Variants in TBX18 observed in about 807,000 individuals in gnomAD.
TBX18 encodes T-box transcription factor TBX18.
TBX18 carries 21 observed loss-of-function variants against 55.0 expected under a neutral mutation model. The observed-to-expected ratio is 0.38, with a 90% CI of 0.27 to 0.55. The LOEUF is 0.55. Ranked by LOEUF, TBX18 falls within the 20% of genes least tolerant of loss-of-function variation. TBX18 has a pLI of 0.73. For missense variants in TBX18, 840 were observed against 799.6 expected (o/e 1.05, Z -0.61); for synonymous variants, 342 against 326.1 (o/e 1.05, Z -0.53).
intron 7 of TBX18, among the ~76,000 whole-genome samples, chr6:84,738,157 C>T (rs1008644924): frequency 3.3e-5 from 5 of 152,102 alleles, no homozygotes; most frequent in African/African-American, 1.2e-4. Flanking sequence ...AGAAAACAAA[C>T]AAGATCTGAA....
rs1773889024 is a variant in TBX18, at chr6:84,734,544, T to TA, written c.*2140dup. ...GTCATTTAATTCAGCAATAAAAGGC[T>TA]AGTCTCTGAAGTGACGTGGTGATTA... On this transcript the variant is annotated 3_prime_UTR_variant, in exon 8 of 8. Transcript: ENST00000369663. 1.3e-5 allele frequency: 2 copies of TA among 152,608 alleles called. No homozygotes were observed. The highest frequency in any genetic ancestry group is 4.1e-4 in the South Asian group (2 of 4,824). The allele number at this position is 152,608 out of a possible 1,614,324, so 9.5% of individuals were successfully genotyped here. A position where few individuals can be genotyped will look rare whatever the true frequency, so the allele number is the denominator to read the frequency against.
rs1767740712 is a variant in TBX18, at chr6:84,763,980, CAGA to C, written c.199_201del (p.Ser67del). 2 of 1,582,406 alleles carry C rather than the reference CAGA, an allele frequency of 1.3e-6. No individual in the cohort carries two copies. The highest frequency in any genetic ancestry group is 2.3e-5 in the East Asian group (1 of 43,638). On this transcript the variant is annotated inframe_deletion, in exon 1 of 8. Coordinates refer to ENST00000369663, the MANE Select transcript of TBX18 (RefSeq NM_001080508.3). ...GGGAGCGCAGCGCCTTCGTCTCCCT[CAGA>C]AGAACCCTTTTCGCCCGCGCCGCCG... is the stretch of plus-strand genomic sequence containing the variant.
chr6:84,763,022 G>C, intron 1 of TBX18: 1 of 554,150 alleles, frequency 1.8e-6, no homozygotes, highest in Non-Finnish European at 3.2e-6. Context: ...CCCACCCGCT[G>C]GGCCTCCGCA....
At position 84,736,218 on chromosome 6, in the gene TBX18, C is replaced by CA. The variant is rs1225058856; in HGVS notation, c.*466dup. 3 of 152,706 alleles carry CA rather than the reference C, an allele frequency of 2.0e-5. No homozygotes were observed. The highest frequency in any genetic ancestry group is 7.2e-5 in the African/African-American group (3 of 41,456). 9.5% of individuals were successfully genotyped at this position (152,706 alleles called of 1,614,324 possible). A position where few individuals can be genotyped will look rare whatever the true frequency, so the allele number is the denominator to read the frequency against. The stretch of plus-strand genomic sequence containing the variant: ...AACTGGCTTTTGTATTTTAGATTCT[C>CA]ACACTGTGTCCAAGAATAACAGAAA... On this transcript the variant is annotated 3_prime_UTR_variant, in exon 8 of 8. Coordinates refer to ENST00000369663, the MANE Select transcript of TBX18 (RefSeq NM_001080508.3).
At chr6:84,760,941 T>C (rs2127881693) in intron 2 of TBX18, among the ~76,000 whole-genome samples, 1 of 152,230 alleles carries the variant, frequency 6.6e-6, no homozygotes, top group Admixed American at 6.5e-5. Flanking sequence ...AAGCAGAAAC[T>C]AAACACAACG....
intron 5 of TBX18, among the ~76,000 whole-genome samples, chr6:84,747,351 T>C (rs1767223846): frequency 1.3e-5 from 2 of 152,162 alleles, no homozygotes; most frequent in African/African-American, 2.4e-5. Context: ...CATTTACCCA[T>C]ATAGAAAGGA....
At chr6:84,761,628 G>C (rs1767649533) in intron 2 of TBX18, among the ~76,000 whole-genome samples, 1 of 152,180 alleles carries the variant, frequency 6.6e-6, no homozygotes, top group Admixed American at 6.5e-5. Context: ...AAAGAGTTGT[G>C]TGTGCTTTCT....
chr6:84,735,404 T>C lies in TBX18; in HGVS notation c.*1281A>G, dbSNP rs528387204. The C allele has an allele frequency of 1.3e-5, 2 of 152,358 alleles. No homozygotes were observed. Among genetic ancestry groups the C allele is most frequent in the South Asian group, 2.1e-4 (1 of 4,830 alleles). The allele number at this position is 152,358 out of a possible 1,614,324, so 9.4% of individuals were successfully genotyped here. On this transcript the variant is annotated 3_prime_UTR_variant, in exon 8 of 8. Coordinates refer to ENST00000369663, the MANE Select transcript of TBX18 (RefSeq NM_001080508.3). Reference sequence around the variant, plus strand: ...TCTGTTGAGGTTAAAAGTTTTATAGTTCCTTTATCATAATTAGTATCTTCC... The same window carrying C: ...TCTGTTGAGGTTAAAAGTTTTATAGCTCCTTTATCATAATTAGTATCTTCC...
chr6:84,742,753 G>A (rs1205126031), intron 6 of TBX18, among the ~76,000 whole-genome samples: 1 of 151,662 alleles, frequency 6.6e-6, no homozygotes, highest in African/African-American at 2.4e-5. Context: ...TTCCTTTTCT[G>A]GTTAAGAAAA....
chr6:84,740,880 G>A (rs998510525), intron 6 of TBX18, among the ~76,000 whole-genome samples: 5 of 152,150 alleles, frequency 3.3e-5, no homozygotes, highest in African/African-American at 1.2e-4. Context: ...TGACTACAGA[G>A]ATGTATCTTA....
chr6:84,755,344 G>T (rs1767459689), intron 4 of TBX18, among the ~76,000 whole-genome samples: 1 of 152,056 alleles, frequency 6.6e-6, no homozygotes, highest in Non-Finnish European at 1.5e-5. Flanking sequence ...CACAAAAAAT[G>T]GTAGTGTACT....
intron 5 of TBX18, among the ~76,000 whole-genome samples, chr6:84,746,616 A>G (rs1330718455): frequency 6.8e-6 from 1 of 147,018 alleles, no homozygotes; most frequent in Admixed American, 6.9e-5. Context: ...TATTTATTAT[A>G]TTAAATATAT....
intron 5 of TBX18, among the ~76,000 whole-genome samples, chr6:84,745,613 T>C (rs1024069104): frequency 1.3e-5 from 2 of 152,152 alleles, no homozygotes; most frequent in African/African-American, 4.8e-5. Flanking sequence ...TAAGTCATCA[T>C]GTCTGCCACT....
intron 5 of TBX18, 93 bp downstream of exon 5, chr6:84,747,827 T>C: frequency 1.7e-6 from 2 of 1,197,510 alleles, no homozygotes; most frequent in Non-Finnish European, 2.3e-6. Context: ...AAATGCTTTA[T>C]AATTCATAAT....
rs139989944 is a variant in TBX18 at position 84,744,617 on chromosome 6, T to C, written c.940-292A>G. Reference sequence around the variant, plus strand: ...TTCTGGAAAAAAAGATTCTGAATCATCTGTTGGTAACGTGCCCTATAATTG... The same window carrying C: ...TTCTGGAAAAAAAGATTCTGAATCACCTGTTGGTAACGTGCCCTATAATTG... On this transcript the variant is annotated intron_variant, in intron 5 of 7. Coordinates refer to ENST00000369663, the MANE Select transcript of TBX18 (RefSeq NM_001080508.3). Among the ~76,000 whole-genome samples the C allele has an allele frequency of 2.1e-3, 320 of 152,282 alleles. 1 individual carries two copies. Among genetic ancestry groups the C allele is most frequent in the African/African-American group, 7.2e-3 (300 of 41,582 alleles).
In TBX18 at chr6:84,764,369, C is replaced by T. The variant is rs1767758885; in HGVS notation, c.-188G>A. The T allele has an allele frequency of 1.2e-6, 1 of 813,410 alleles. No individual in the cohort carries two copies. Among genetic ancestry groups the T allele is most frequent in the Non-Finnish European group, 1.7e-6 (1 of 571,648 alleles). The allele number at this position is 813,410 out of a possible 1,614,324, so 50.4% of individuals were successfully genotyped here. A position where few individuals can be genotyped will look rare whatever the true frequency, so the allele number is the denominator to read the frequency against. The stretch of plus-strand genomic sequence containing the variant: ...CTCGCTTGTGTTGGGATCCAGGAAC[C>T]GGCGACGCGCCGGCCAAGTCTCCTT... On this transcript the variant is annotated 5_prime_UTR_variant, in exon 1 of 8. Coordinates refer to ENST00000369663, the MANE Select transcript of TBX18 (RefSeq NM_001080508.3).
At chr6:84,762,458 G>A (rs1767675862) in intron 2 of TBX18, 86 bp downstream of exon 2, 4 of 1,480,280 alleles carry the variant, frequency 2.7e-6, no homozygotes, top group South Asian at 1.1e-5. Context: ...CCACCGAGCT[G>A]CAGGCCCTTC....
chr6:84,760,139 T>C, intron 3 of TBX18, 116 bp downstream of exon 3: 4 of 582,306 alleles, frequency 6.9e-6, no homozygotes, highest in Non-Finnish European at 5.2e-6. Flanking sequence ...AGTATGGATC[T>C]GGAAATTCTA....
chr6:84,738,068 G>T (rs1766931812), intron 7 of TBX18, among the ~76,000 whole-genome samples: 1 of 152,096 alleles, frequency 6.6e-6, no homozygotes, highest in Non-Finnish European at 1.5e-5. Flanking sequence ...AGCCCAGGAG[G>T]GTCTGCCTGA....
Sources: allele counts gnomAD v4.1 joint callset (sites outside exome capture counted in the v4.1 genomes callset), GRCh38; gene constraint gnomAD v4.1.1; transcripts MANE v1.5; gene names NCBI Gene and HGNC (gene_info 2026-07-23, HGNC 2026-07-21).